Variants in CLEC12A observed in about 807,000 individuals in gnomAD.
CLEC12A encodes C-type lectin protein CLL-1.
CLEC12A carries 22 observed loss-of-function variants against 26.5 expected under a neutral mutation model. The observed-to-expected ratio is 0.83, with a 90% CI of 0.59 to 1.19. CLEC12A has a LOEUF of 1.19. Ranked by LOEUF, CLEC12A falls within the 50% of genes most tolerant of loss-of-function variation. The pLI, the probability that CLEC12A is intolerant of heterozygous loss-of-function variation, is 0.00. For missense variants in CLEC12A, 353 were observed against 315.6 expected (o/e 1.12, Z -0.90); for synonymous variants, 119 against 101.9 (o/e 1.17, Z -1.01).
chr12:9,998,354 G>C, downstream of CLEC12A: 1 of 1,613,846 alleles, frequency 6.2e-7, no homozygotes, highest in South Asian at 1.1e-5. Flanking sequence ...GCCATCACAC[G>C]CCACCAGGAG....
intron 1 of CLEC12A, among the ~76,000 whole-genome samples, chr12:9,957,993 G>A (rs770763969): frequency 1.3e-5 from 2 of 152,216 alleles, no homozygotes; most frequent in African/African-American, 4.8e-5. Flanking sequence ...CAGATCACTA[G>A]CCTCAAGGCT....
rs1161382699 is a variant in CLEC12A at position 9,980,568 on chromosome 12, T to C, written c.380-14T>C. On this transcript the variant is annotated splice_polypyrimidine_tract_variant and intron_variant, in intron 3 of 5. Coordinates refer to ENST00000304361, the MANE Select transcript of CLEC12A (RefSeq NM_138337.6). ...TATCAACAAAACCCAAATAAAACTA[T>C]GTTCTTCTTCCAGAGCACAAATGTA... The C allele has an allele frequency of 6.2e-7, 1 of 1,608,734 alleles. No individual in the cohort carries two copies. The highest frequency in any genetic ancestry group is 1.1e-5 in the South Asian group (1 of 90,250).
At chr12:9,969,543 A>G (rs1864053410), upstream of CLEC12A, among the ~76,000 whole-genome samples, 1 of 152,206 alleles carries the variant, frequency 6.6e-6, no homozygotes, top group South Asian at 2.1e-4. Flanking sequence ...AACAAAATAG[A>G]GTACCTTGCA....
downstream of CLEC12A, among the ~76,000 whole-genome samples, chr12:9,998,871 A>T (rs17734410): frequency 0.023 from 3,483 of 152,306 alleles, 55 homozygotes; most frequent in Non-Finnish European, 0.036. Context: ...TAATCTAAAT[A>T]GGTCTGTATG....
intron 4 of CLEC12A, chr12:9,993,073 G>A: frequency 7.2e-7 from 1 of 1,398,512 alleles, no homozygotes; most frequent in Non-Finnish European, 9.8e-7. Context: ...TTCAGCTACT[G>A]ATGCATTCAT....
chr12:9,995,081 G>T, exon 5 of CLEC12A: 1 of 1,603,088 alleles, frequency 6.2e-7, no homozygotes. Flanking sequence ...AGAGAAGAGG[G>T]AATCTCAAGA....
chr12:9,996,817 C>T (rs1396172079), downstream of CLEC12A: 1 of 1,613,002 alleles, frequency 6.2e-7, no homozygotes, highest in Non-Finnish European at 8.5e-7. Flanking sequence ...TCCTTGCCTC[C>T]AAAATATTTG....
downstream of CLEC12A, among the ~76,000 whole-genome samples, chr12:9,989,919 T>A (rs1864854911): frequency 6.6e-6 from 1 of 152,150 alleles, no homozygotes; most frequent in Non-Finnish European, 1.5e-5. Flanking sequence ...TTAATAATTA[T>A]GCTAAATGTA....
downstream of CLEC12A, among the ~76,000 whole-genome samples, chr12:9,987,602 T>G (rs534366703): frequency 6.6e-6 from 1 of 152,312 alleles, no homozygotes; most frequent in Admixed American, 6.5e-5. Flanking sequence ...TTCAGCTTTA[T>G]AGTACTAGAA....
At chr12:9,973,465 A>C (rs1864211277) in intron 1 of CLEC12A, among the ~76,000 whole-genome samples, 1 of 152,116 alleles carries the variant, frequency 6.6e-6, no homozygotes, top group Non-Finnish European at 1.5e-5. Context: ...AACAAATCAA[A>C]ACAAAACAAG....
In CLEC12A at chr12:9,971,508, T is replaced by A; in HGVS notation, c.-89T>A. 6.7e-7 allele frequency: 1 copy of A among 1,501,392 alleles called. No homozygotes were observed. 93.0% of individuals were successfully genotyped at this position (1,501,392 alleles called of 1,614,324 possible). A position where few individuals can be genotyped will look rare whatever the true frequency, so the allele number is the denominator to read the frequency against. On this transcript the variant is annotated 5_prime_UTR_variant, in exon 1 of 6. Coordinates refer to ENST00000304361, the MANE Select transcript of CLEC12A (RefSeq NM_138337.6). ...TCCGTTTATAAACAGAAGTTTAAAATTATAGGTCCTGTTTAACATTCAGCT... is the reference window on the plus strand; with the variant it reads ...TCCGTTTATAAACAGAAGTTTAAAAATATAGGTCCTGTTTAACATTCAGCT...
chr12:9,993,661 G>A (rs190994435), intron 4 of CLEC12A, among the ~76,000 whole-genome samples: 1 of 152,102 alleles, frequency 6.6e-6, no homozygotes, highest in East Asian at 1.9e-4. Flanking sequence ...GGAGATGGAA[G>A]AGCCCTACAG....
intron 4 of CLEC12A, chr12:9,991,550 C>A (rs1864893030): frequency 6.6e-6 from 1 of 151,938 alleles, no homozygotes; most frequent in Non-Finnish European, 1.5e-5. Flanking sequence ...ATACCATCAC[C>A]CAAATCCAAG....
intron 1 of CLEC12A, among the ~76,000 whole-genome samples, chr12:9,977,409 TC>T (rs1864381204): frequency 6.6e-6 from 1 of 152,216 alleles, no homozygotes; most frequent in Non-Finnish European, 1.5e-5. Flanking sequence ...TAATGTCTCC[TC>T]CTTGTTATTT....
intron 4 of CLEC12A, chr12:9,992,456 C>T (rs1864914258): frequency 6.6e-6 from 1 of 152,022 alleles, no homozygotes; most frequent in East Asian, 1.9e-4. Flanking sequence ...AAATATCTCT[C>T]TGTTTTGTGA....
At chr12:9,990,156 C>T (rs1864860378), downstream of CLEC12A, among the ~76,000 whole-genome samples, 2 of 152,126 alleles carry the variant, frequency 1.3e-5, no homozygotes, top group Admixed American at 6.6e-5. Flanking sequence ...AACACAGCAT[C>T]CTTTTCTGCA....
At chr12:9,997,068 T>C, downstream of CLEC12A, 4 of 1,609,268 alleles carry the variant, frequency 2.5e-6, no homozygotes, top group Non-Finnish European at 3.4e-6. Context: ...TCACATTCAA[T>C]GTTTTCTGCA....
Position 9,980,613 on chromosome 12 carries a change from G to C in CLEC12A, c.411G>C (p.Trp137Cys). 1 of 1,613,830 alleles carries C rather than the reference G, an allele frequency of 6.2e-7. No individual in the cohort carries two copies. ...EHKCKPCPRRWIWHKDSCYFL... is the reference protein window; with the variant it reads ...EHKCKPCPRRCIWHKDSCYFL... ...AATGTAAGCCTTGTCCAAGGAGATGGATTTGGCATAAGGACAGCTGTTATT... is the reference window on the plus strand; with the variant it reads ...AATGTAAGCCTTGTCCAAGGAGATGCATTTGGCATAAGGACAGCTGTTATT... Residue 137 changes from tryptophan (W) to cysteine (C), a missense_variant, in exon 4 of 6, where the codon TGG becomes TGC. By Grantham distance (215) the Trp-to-Cys change is radical. Transcript: ENST00000304361.
rs374275611 is a variant in CLEC12A, at chr12:9,971,592, C to T, written c.-5C>T. 1.9e-6 allele frequency: 3 copies of T among 1,600,078 alleles called. No homozygotes were observed. The highest frequency in any genetic ancestry group is 2.6e-6 in the Non-Finnish European group (3 of 1,173,624). On this transcript the variant is annotated 5_prime_UTR_variant, in exon 1 of 6. Coordinates refer to ENST00000304361, the MANE Select transcript of CLEC12A (RefSeq NM_138337.6). ...CTTTGTCAAGATTTCTTTACATATT[C>T]ATCAATGTCTGAAGAAGTTACTTAT...
Sources: allele counts gnomAD v4.1 joint callset (sites outside exome capture counted in the v4.1 genomes callset), GRCh38; gene constraint gnomAD v4.1.1; transcripts MANE v1.5; gene names NCBI Gene and HGNC (gene_info 2026-07-23, HGNC 2026-07-21).